The following PLEKHG5 variants were observed in gnomAD, a reference collection of about 807,000 sequenced individuals.
PLEKHG5 encodes pleckstrin homology domain-containing family G member 5.
In PLEKHG5, 52 loss-of-function variants were observed where a neutral mutation model predicts 103.8. The ratio of observed to expected loss-of-function variants is 0.50; its 90% CI spans 0.40 to 0.63. PLEKHG5 has a LOEUF of 0.63. Among genes scored for constraint, PLEKHG5 ranks in the 30% least tolerant of loss-of-function variants. The probability of loss-of-function intolerance (pLI) is 0.00; values close to 1 mark genes in which losing one functional copy is unlikely to be tolerated. For synonymous variants in PLEKHG5, 592 were observed against 575.5 expected, an observed-to-expected ratio of 1.03 and a Z score of -0.41; for missense variants, 1,205 against 1,347.6, an observed-to-expected ratio of 0.89 and a Z score of 1.66.
At chr1:6,476,475 G>A (rs1335309783) in intron 2 of PLEKHG5, among the ~76,000 whole-genome samples, 4 of 152,124 alleles carry the variant, frequency 2.6e-5, no homozygotes, top group African/African-American at 9.7e-5. Context: ...TTACAGGTGT[G>A]AGCCACCTTG....
chr1:6,500,879 C>T (rs865800587), upstream of PLEKHG5, among the ~76,000 whole-genome samples: 4 of 152,178 alleles, frequency 2.6e-5, no homozygotes, highest in Non-Finnish European at 5.9e-5. Context: ...GGAGCCTACT[C>T]GCCAGTTCTC....
exon 1 of PLEKHG5, chr1:6,519,613 C>A: frequency 1.1e-6 from 1 of 871,114 alleles, no homozygotes. Context: ...CTGCTTTGCC[C>A]AGTTGCCATC....
chr1:6,496,969 G>A, upstream of PLEKHG5: 2 of 1,528,760 alleles, frequency 1.3e-6, no homozygotes, highest in Non-Finnish European at 1.7e-6. Flanking sequence ...GCCCTGCATC[G>A]CTCCCTTTAG....
At chr1:6,472,453 G>C in intron 10 of PLEKHG5, 74 bp downstream of exon 10, 2 of 1,069,434 alleles carry the variant, frequency 1.9e-6, no homozygotes, top group Non-Finnish European at 2.9e-6. Context: ...TTCTGCAAAG[G>C]CTCAGACTCA....
intron 1 of PLEKHG5, among the ~76,000 whole-genome samples, chr1:6,516,349 T>C (rs1449076153): frequency 6.6e-6 from 1 of 152,138 alleles, no homozygotes; most frequent in East Asian, 1.9e-4. Flanking sequence ...TCCATGTATA[T>C]CGTGAAGCCA....
In PLEKHG5 at chr1:6,469,133, C is replaced by A; in HGVS notation, c.2158G>T (p.Glu720Ter). 10 of 1,610,952 alleles carry A rather than the reference C, an allele frequency of 6.2e-6. No individual in the cohort carries two copies. Among genetic ancestry groups the A allele is most frequent in the Non-Finnish European group, 7.6e-6 (9 of 1,179,186 alleles). Residue 720 changes from glutamate to a stop codon, truncating the protein, a stop_gained, in exon 19 of 21, where the codon GAG becomes TAG. Coordinates refer to ENST00000377728, the MANE Select transcript of PLEKHG5 (RefSeq NM_020631.6). LOFTEE classifies it high-confidence loss of function. Reference sequence around the variant, plus strand: ...CCACTGTCCTCGCCTTCCTCCTCCTCCTCCTCCTCCTCCTCTTCCTCCTCC... The same window carrying A: ...CCACTGTCCTCGCCTTCCTCCTCCTACTCCTCCTCCTCCTCTTCCTCCTCC... ...EQEEEEEEEE[E>*]EEEGEDSGTS...
Position 6,490,445 on chromosome 1 carries a change from C to T in PLEKHG5, c.-88+1192G>A, listed in dbSNP as rs11806429. On this transcript the variant is annotated intron_variant, in intron 1 of 20. Coordinates refer to ENST00000377728, the MANE Select transcript of PLEKHG5 (RefSeq NM_020631.6). The surrounding 1 kb of genome is among the most constrained non-coding windows in gnomAD (Gnocchi z 8.0). ...CAGCTCCCACTTCCCCGCGACTCAC[C>T]TAGGAACAGGACCAGGGTCTCCTCC... The T allele has an allele frequency of 0.11, 108,795 of 983,412 alleles. 6,927 individuals carry two copies. The highest frequency in any genetic ancestry group is 0.25 in the African/African-American group (14,218 of 57,066). The allele number at this position is 983,412 out of a possible 1,614,324, so 60.9% of individuals were successfully genotyped here. A position where few individuals can be genotyped will look rare whatever the true frequency, so the allele number is the denominator to read the frequency against.
upstream of PLEKHG5, chr1:6,496,856 G>A: frequency 1.4e-6 from 1 of 723,202 alleles, no homozygotes; most frequent in Non-Finnish European, 2.1e-6. Context: ...GGACAAGTGG[G>A]GGAGCGCTCA....
chr1:6,484,004 C>G (rs571732700), intron 1 of PLEKHG5, among the ~76,000 whole-genome samples: 143 of 152,334 alleles, frequency 9.4e-4, no homozygotes, highest in African/African-American at 3.1e-3. Context: ...ATGACCCAAG[C>G]CCTGGTCTCA....
chr1:6,476,156 C>A, intron 2 of PLEKHG5, 120 bp from the exon 3 acceptor site: 2 of 822,522 alleles, frequency 2.4e-6, no homozygotes, highest in South Asian at 2.8e-5. Context: ...GTAGCAAGGG[C>A]CCTTCAGTTC....
rs1360678779 is a variant in PLEKHG5 at position 6,470,510 on chromosome 1, T to TCCACTTCGTCG, written c.1665_1675dup (p.Asp559AlafsTer8). The TCCACTTCGTCG allele has an allele frequency of 6.2e-7, 1 of 1,610,018 alleles. No homozygotes were observed. Among genetic ancestry groups the TCCACTTCGTCG allele is most frequent in the African/African-American group, 1.3e-5 (1 of 74,904 alleles). ...CCCGCAGACACACACGCCCACCTTG[T>TCCACTTCGTCG]CCACTTCGTCGCTGCTGCTTTCCAC... On this transcript the variant is annotated frameshift_variant, in exon 15 of 21. Coordinates refer to ENST00000377728, the MANE Select transcript of PLEKHG5 (RefSeq NM_020631.6). LOFTEE classifies it high-confidence loss of function.
chr1:6,481,918 T>C (rs1474011958), intron 1 of PLEKHG5, among the ~76,000 whole-genome samples: 7 of 150,816 alleles, frequency 4.6e-5, no homozygotes, highest in Non-Finnish European at 1.0e-4. Flanking sequence ...TTTTATGACA[T>C]TGACTTTTTT....
chr1:6,501,751 C>T lies in PLEKHG5; in HGVS notation c.-164-5182G>A, dbSNP rs1645299032. ...TCCTAACCGCCAGGCTACAGTGCTC[C>T]CATGGGGCCTGACACAATTAGCTGT... On this transcript the variant is annotated intron_variant, in intron 1 of 21. Transcript: ENST00000377740. The surrounding 1 kb of genome is among the most constrained non-coding windows in gnomAD (Gnocchi z 4.3). 6.6e-6 allele frequency among the ~76,000 whole-genome samples: 1 copy of T among 152,176 alleles called. No homozygotes were observed. The highest frequency in any genetic ancestry group is 2.4e-5 in the African/African-American group (1 of 41,422).
At chr1:6,513,758 G>C (rs1170679269) in intron 1 of PLEKHG5, among the ~76,000 whole-genome samples, 1 of 152,246 alleles carries the variant, frequency 6.6e-6, no homozygotes, top group Non-Finnish European at 1.5e-5. Flanking sequence ...TGGTCCTGTT[G>C]GTTGGAAACT....
intron 1 of PLEKHG5, among the ~76,000 whole-genome samples, chr1:6,518,820 G>A (rs1638696650): frequency 6.6e-6 from 1 of 152,102 alleles, no homozygotes; most frequent in Admixed American, 6.5e-5. Flanking sequence ...AAGCCAACCT[G>A]CCACCAGAGC....
rs1464851533 is a variant in PLEKHG5, at chr1:6,467,923, C to G, written c.2913G>C (p.Glu971Asp). 3 of 1,595,002 alleles carry G rather than the reference C, an allele frequency of 1.9e-6. No homozygotes were observed. In the African/African-American group the frequency reaches 4.0e-5, roughly 21 times the overall value. Reference protein sequence around the residue: ...PSGASPRVQPEPPPGVSAQHR... With the variant: ...PSGASPRVQPDPPPGVSAQHR... ...GCTGGGCAGAGACCCCTGGTGGGGGCTCAGGCTGGACCCTGGGAGAGGCCC... is the reference window on the plus strand; with the variant it reads ...GCTGGGCAGAGACCCCTGGTGGGGGGTCAGGCTGGACCCTGGGAGAGGCCC... Residue 971 changes from glutamate (E) to aspartate (D), a missense_variant, in exon 20 of 21, where the codon GAG becomes GAC. Coordinates refer to ENST00000377728, the MANE Select transcript of PLEKHG5 (RefSeq NM_020631.6).
At chr1:6,477,761 T>G in intron 1 of PLEKHG5, 103 bp from the exon 2 acceptor site, 8 of 1,260,472 alleles carry the variant, frequency 6.3e-6, no homozygotes, top group Admixed American at 2.0e-5. Context: ...CCTCCATCTC[T>G]CGATCCAGGG....
At chr1:6,478,078 G>A (rs1644811184) in intron 1 of PLEKHG5, among the ~76,000 whole-genome samples, 1 of 151,922 alleles carries the variant, frequency 6.6e-6, no homozygotes, top group Non-Finnish European at 1.5e-5. Context: ...TAGAGACAGG[G>A]TTTCACTGTG....
At chr1:6,479,699 C>A (rs188192988) in intron 1 of PLEKHG5, among the ~76,000 whole-genome samples, 25 of 152,220 alleles carry the variant, frequency 1.6e-4, no homozygotes, top group African/African-American at 6.0e-4. Flanking sequence ...CAACCTCAAC[C>A]TCCCGGACTC....
Sources: gnomAD v4.1 joint callset for allele counts (sites outside exome capture counted in the v4.1 genomes callset) on GRCh38, gnomAD v4.1.1 for gene constraint, Gnocchi (gnomAD v3.1) non-coding constraint, MANE v1.5 for transcripts, NCBI Gene and HGNC (gene_info 2026-07-23, HGNC 2026-07-21) for gene names.